Variants in SGCZ observed in about 807,000 individuals in gnomAD.
The protein encoded by SGCZ is sarcoglycan zeta.
In SGCZ, 40 loss-of-function variants were observed where a neutral mutation model predicts 41.3. The observed-to-expected ratio is 0.97, with a 90% CI of 0.75 to 1.26. The LOEUF (loss-of-function observed/expected upper bound fraction) is 1.26, where lower values mean the gene tolerates loss of function less well. Ranked by LOEUF, SGCZ falls within the 50% of genes most tolerant of loss-of-function variation. The probability of loss-of-function intolerance (pLI) is 0.00; values close to 1 mark genes in which losing one functional copy is unlikely to be tolerated. For synonymous variants in SGCZ, 206 were observed against 137.5 expected, an observed-to-expected ratio of 1.50 and a Z score of -3.49; for missense variants, 552 against 369.8, an observed-to-expected ratio of 1.49 and a Z score of -4.04.
At chr8:14,340,525 T>C (rs1802666058) in intron 2 of SGCZ, among the ~76,000 whole-genome samples, 1 of 152,162 alleles carries the variant, frequency 6.6e-6, no homozygotes. Flanking sequence ...AGATAATGTC[T>C]TCCTTGTCTT....
At chr8:14,480,023 G>C (rs768928331) in intron 2 of SGCZ, among the ~76,000 whole-genome samples, 1 of 152,176 alleles carries the variant, frequency 6.6e-6, no homozygotes, top group South Asian at 2.1e-4. Flanking sequence ...GGGATTACGG[G>C]CGTGAGCCAC....
At chr8:14,643,789 C>G (rs557107048) in intron 1 of SGCZ, among the ~76,000 whole-genome samples, 1 of 151,812 alleles carries the variant, frequency 6.6e-6, no homozygotes, top group East Asian at 1.9e-4. Flanking sequence ...TCAAACAAGT[C>G]ACATCCTAAA....
intron 7 of SGCZ, among the ~76,000 whole-genome samples, chr8:14,098,452 G>A (rs897133332): frequency 6.6e-6 from 1 of 152,080 alleles, no homozygotes; most frequent in Admixed American, 6.6e-5. Context: ...TTCTCCCCAG[G>A]GAATGAGAGA....
intron 5 of SGCZ, among the ~76,000 whole-genome samples, chr8:14,125,923 A>G (rs1751328726): frequency 6.6e-6 from 1 of 152,246 alleles, no homozygotes. Flanking sequence ...CTGGCGTGCC[A>G]TATGCAGAAA....
chr8:14,251,138 G>T (rs188404073), intron 3 of SGCZ, among the ~76,000 whole-genome samples: 40 of 152,246 alleles, frequency 2.6e-4, no homozygotes, highest in African/African-American at 9.1e-4. Flanking sequence ...CAAGGCAAGA[G>T]AATTGCTTGA....
At chr8:15,144,471 C>A (rs1798983146) in intron 1 of SGCZ, among the ~76,000 whole-genome samples, 1 of 145,538 alleles carries the variant, frequency 6.9e-6, no homozygotes, top group Non-Finnish European at 1.5e-5. Context: ...TTGACATTCA[C>A]TTTTTTTTTT....
intron 1 of SGCZ, among the ~76,000 whole-genome samples, chr8:14,991,024 A>G (rs1801997149): frequency 6.6e-6 from 1 of 152,202 alleles, no homozygotes; most frequent in South Asian, 2.1e-4. Flanking sequence ...TTTGCATTGA[A>G]AAATGCAAAA....
chr8:14,430,703 G>C (rs1443949958), intron 2 of SGCZ, among the ~76,000 whole-genome samples: 1 of 152,086 alleles, frequency 6.6e-6, no homozygotes, highest in Non-Finnish European at 1.5e-5. Context: ...AGAGCAACCA[G>C]ACAAGAGAAA....
At chr8:14,913,365 T>C (rs369943961) in intron 1 of SGCZ, among the ~76,000 whole-genome samples, 17 of 152,226 alleles carry the variant, frequency 1.1e-4, no homozygotes, top group South Asian at 4.1e-4. Context: ...CACAACTATA[T>C]GGTCTTAGAG....
intron 1 of SGCZ, among the ~76,000 whole-genome samples, chr8:14,906,469 G>T (rs1308591656): frequency 6.6e-6 from 1 of 152,082 alleles, no homozygotes; most frequent in Non-Finnish European, 1.5e-5. Flanking sequence ...TAGTGATATG[G>T]CAGGTTACCC....
intron 1 of SGCZ, among the ~76,000 whole-genome samples, chr8:14,887,669 A>G (rs1804860401): frequency 6.6e-6 from 1 of 152,202 alleles, no homozygotes; most frequent in Non-Finnish European, 1.5e-5. Context: ...AGGAAAATGT[A>G]AACAATAATG....
chr8:14,175,206 G>A (rs1367579839), intron 4 of SGCZ, among the ~76,000 whole-genome samples: 2 of 152,014 alleles, frequency 1.3e-5, no homozygotes, highest in African/African-American at 4.8e-5. Flanking sequence ...TATCATCCAA[G>A]GTTGAATGGC....
intron 1 of SGCZ, among the ~76,000 whole-genome samples, chr8:14,720,933 A>G (rs1331373589): frequency 1.3e-5 from 2 of 151,014 alleles, no homozygotes; most frequent in African/African-American, 4.9e-5. Context: ...AATTTTTTTT[A>G]TGATTATAAA....
At chr8:14,249,257 A>C (rs1367207353) in intron 3 of SGCZ, among the ~76,000 whole-genome samples, 1 of 152,184 alleles carries the variant, frequency 6.6e-6, no homozygotes, top group Non-Finnish European at 1.5e-5. Flanking sequence ...TTTTGAATTC[A>C]GATCAGGAGT....
intron 1 of SGCZ, among the ~76,000 whole-genome samples, chr8:14,602,891 A>C (rs927758644): frequency 3.3e-5 from 5 of 152,170 alleles, no homozygotes; most frequent in Non-Finnish European, 5.9e-5. Flanking sequence ...AAAGGAAGTA[A>C]CACTATCAAC....
chr8:14,284,678 G>C (rs747053340), intron 3 of SGCZ, among the ~76,000 whole-genome samples: 4 of 151,978 alleles, frequency 2.6e-5, no homozygotes, highest in African/African-American at 4.8e-5. Flanking sequence ...TCTATAGATT[G>C]ATCCTGTTAT....
chr8:14,195,729 T>A (rs891276850), intron 4 of SGCZ, among the ~76,000 whole-genome samples: 3 of 152,048 alleles, frequency 2.0e-5, no homozygotes, highest in African/African-American at 7.2e-5. Flanking sequence ...AAAATGCAAG[T>A]GATGACATAG....
At chr8:14,400,299 A>G (rs114589258) in intron 2 of SGCZ, among the ~76,000 whole-genome samples, 1,961 of 152,210 alleles carry the variant, frequency 0.013, 43 homozygotes, top group African/African-American at 0.043. Context: ...CTGGCTATTA[A>G]GAATAATACA....
At chr8:14,504,729 T>C (rs12682277) in intron 2 of SGCZ, among the ~76,000 whole-genome samples, 10,866 of 152,252 alleles carry the variant, frequency 0.071, 591 homozygotes, top group African/African-American at 0.15. Flanking sequence ...ACATATCTCT[T>C]ACTTCTTTAT....
Sources: allele counts gnomAD v4.1 joint callset (sites outside exome capture counted in the v4.1 genomes callset), GRCh38; gene constraint gnomAD v4.1.1; transcripts MANE v1.5; gene names NCBI Gene and HGNC (gene_info 2026-07-23, HGNC 2026-07-21).